The following SLC9B1 variants were observed in gnomAD, a reference collection of about 807,000 sequenced individuals.
SLC9B1 encodes the protein sodium/hydrogen exchanger 9B1.
In SLC9B1, 32 loss-of-function variants were observed where a neutral mutation model predicts 51.7. The ratio of observed to expected loss-of-function variants is 0.62; its 90% CI spans 0.47 to 0.83. The LOEUF is 0.83. SLC9B1 is among the 40% of genes least tolerant of loss of function. The probability of loss-of-function intolerance (pLI) is 0.00; values close to 1 mark genes in which losing one functional copy is unlikely to be tolerated. For synonymous variants in SLC9B1, 145 were observed against 212.7 expected (o/e 0.68, Z 2.77); for missense variants, 406 against 613.2 (o/e 0.66, Z 3.57).
chr4:103,005,432 C>G (rs1206623277), intron 1 of SLC9B1, among the ~76,000 whole-genome samples: 1 of 152,008 alleles, frequency 6.6e-6, no homozygotes, highest in African/African-American at 2.4e-5. Flanking sequence ...TATGAACCCA[C>G]CACAGAAGCA....
intron 1 of SLC9B1, among the ~76,000 whole-genome samples, chr4:103,016,152 A>AAAAAAAAAAAAAAAAC (rs1741316786): frequency 6.6e-6 from 1 of 150,416 alleles, no homozygotes; most frequent in Admixed American, 6.6e-5. Context: ...AAAAAAAAAA[A>AAAAAAAAAAAAAAAAC]AGGAAAGTAT....
chr4:102,965,528 C>A (rs1738376692), intron 3 of SLC9B1, among the ~76,000 whole-genome samples: 1 of 152,118 alleles, frequency 6.6e-6, no homozygotes, highest in African/African-American at 2.4e-5. Context: ...ATGGCAGAGC[C>A]CCCATGACCC....
chr4:103,007,903 CA>C (rs1740874676), intron 1 of SLC9B1, among the ~76,000 whole-genome samples: 1 of 152,064 alleles, frequency 6.6e-6, no homozygotes, highest in South Asian at 2.1e-4. Flanking sequence ...TCTTCATATT[CA>C]CAGCTAGGGA....
chr4:102,975,292 A>G (rs1185254508), intron 3 of SLC9B1, among the ~76,000 whole-genome samples: 2 of 152,152 alleles, frequency 1.3e-5, no homozygotes, highest in Admixed American at 1.3e-4. Context: ...TACAGGCATC[A>G]GCCACGGCAC....
chr4:102,945,398 A>G, intron 5 of SLC9B1, 78 bp from the exon 6 acceptor site: 1 of 1,432,572 alleles, frequency 7.0e-7, no homozygotes, highest in Non-Finnish European at 9.3e-7. Context: ...GTCAAACTAT[A>G]AAGTCTTTTT....
chr4:102,943,501 ATG>A (rs201703153), intron 6 of SLC9B1, among the ~76,000 whole-genome samples: 27,652 of 145,652 alleles, frequency 0.19, 2,940 homozygotes, highest in African/African-American at 0.3. Context: ...ATATATGTGT[ATG>A]TATACACACA....
intron 1 of SLC9B1, among the ~76,000 whole-genome samples, 166 bp downstream of exon 1, chr4:103,019,432 AT>A (rs1244395210): frequency 6.6e-6 from 1 of 152,224 alleles, no homozygotes; most frequent in Non-Finnish European, 1.5e-5. Flanking sequence ...AGGAGAGACA[AT>A]GTCTGTGGCT....
intron 11 of SLC9B1, among the ~76,000 whole-genome samples, chr4:102,886,455 C>T (rs1733920885): frequency 6.6e-6 from 1 of 151,814 alleles, no homozygotes; most frequent in Non-Finnish European, 1.5e-5. Context: ...CACGCCACTG[C>T]ACTCCAGCCT....
chr4:102,927,959 G>C (rs1736269119), intron 7 of SLC9B1, among the ~76,000 whole-genome samples: 1 of 151,860 alleles, frequency 6.6e-6, no homozygotes, highest in Non-Finnish European at 1.5e-5. Flanking sequence ...ATCACTCTCA[G>C]CAAAACTATC....
At chr4:102,967,680 T>C (rs945503109) in intron 3 of SLC9B1, among the ~76,000 whole-genome samples, 28 of 152,178 alleles carry the variant, frequency 1.8e-4, no homozygotes, top group Admixed American at 4.6e-4. Flanking sequence ...GTAAGAATAG[T>C]ACCAAGCTGC....
At chr4:102,975,852 C>T (rs1403982466) in intron 3 of SLC9B1, among the ~76,000 whole-genome samples, 1 of 151,790 alleles carries the variant, frequency 6.6e-6, no homozygotes, top group African/African-American at 2.4e-5. Context: ...CAGGTGTGAA[C>T]TACCACGCCT....
At chr4:102,909,174 C>A (rs1192465351) in intron 9 of SLC9B1, among the ~76,000 whole-genome samples, 1 of 152,072 alleles carries the variant, frequency 6.6e-6, no homozygotes, top group Non-Finnish European at 1.5e-5. Context: ...AAACACAGAT[C>A]ATTTCCAGCT....
chr4:102,970,646 T>A (rs1182464779), intron 3 of SLC9B1, among the ~76,000 whole-genome samples: 2 of 152,118 alleles, frequency 1.3e-5, no homozygotes, highest in Non-Finnish European at 2.9e-5. Context: ...AATATTAACC[T>A]TAAATGTAAA....
intron 3 of SLC9B1, among the ~76,000 whole-genome samples, chr4:102,956,132 T>C (rs890986241): frequency 4.6e-5 from 7 of 152,162 alleles, no homozygotes; most frequent in Non-Finnish European, 1.0e-4. Context: ...GTAGACGACA[T>C]TGCACATGTG....
intron 6 of SLC9B1, among the ~76,000 whole-genome samples, chr4:102,939,993 G>A (rs1736909662): frequency 2.0e-5 from 3 of 152,150 alleles, no homozygotes. Context: ...AGTAATGGAT[G>A]TCCTAGCCAG....
chr4:102,957,785 T>G (rs1578379953), intron 3 of SLC9B1, among the ~76,000 whole-genome samples: 2 of 147,686 alleles, frequency 1.4e-5, no homozygotes, highest in East Asian at 3.9e-4. Context: ...TGTGTATATG[T>G]GTGTGTGTGT....
downstream of SLC9B1, among the ~76,000 whole-genome samples, chr4:102,896,490 C>A (rs973157522): frequency 1.3e-5 from 2 of 152,004 alleles, no homozygotes; most frequent in African/African-American, 4.8e-5. Context: ...ATAAAAAAAT[C>A]CACAAACATA....
At chr4:102,906,501 G>C in intron 10 of SLC9B1, 35 bp downstream of exon 10, 1 of 1,054,016 alleles carries the variant, frequency 9.5e-7, no homozygotes, top group Non-Finnish European at 1.4e-6. Flanking sequence ...AAATATTTTT[G>C]AATTTCATAT....
chr4:102,910,347 C>T, intron 9 of SLC9B1, 92 bp downstream of exon 9: 1 of 1,182,906 alleles, frequency 8.5e-7, no homozygotes, highest in Non-Finnish European at 1.1e-6. Context: ...CCTTTTGGAA[C>T]ATTTTCCAAC....
Sources: allele counts gnomAD v4.1 joint callset (sites outside exome capture counted in the v4.1 genomes callset), GRCh38; gene constraint gnomAD v4.1.1; transcripts MANE v1.5; gene names NCBI Gene and HGNC (gene_info 2026-07-23, HGNC 2026-07-21).